Variants in HDAC4 observed in about 807,000 individuals in gnomAD.
HDAC4 encodes histone deacetylase A.
In HDAC4, 16 loss-of-function variants were observed where a neutral mutation model predicts 135.1. The observed-to-expected ratio is 0.12, with a 90% CI of 0.08 to 0.18. HDAC4 has a LOEUF of 0.18. HDAC4 is among the 10% of genes least tolerant of loss of function. The pLI is 1.00. For synonymous variants in HDAC4, 685 were observed against 653.4 expected, an observed-to-expected ratio of 1.05 and a Z score of -0.74; for missense variants, 1,143 against 1,511.8, an observed-to-expected ratio of 0.76 and a Z score of 4.05.
intron 5 of HDAC4, among the ~76,000 whole-genome samples, chr2:239,165,866 C>T (rs949658559): frequency 2.6e-5 from 4 of 152,114 alleles, no homozygotes; most frequent in Admixed American, 1.3e-4. Flanking sequence ...GCCATTGTTC[C>T]TCCTTTCAGT....
intron 2 of HDAC4, among the ~76,000 whole-genome samples, chr2:239,264,493 TGGCTGCCCAC>T (rs961110519): frequency 6.6e-6 from 1 of 152,152 alleles, no homozygotes; most frequent in Non-Finnish European, 1.5e-5. Flanking sequence ...AAAAGAAGTG[TGGCTGCCCAC>T]GGCTCTGACA....
chr2:239,388,152 T>G (rs1695951550), intron 1 of HDAC4, among the ~76,000 whole-genome samples: 3 of 152,042 alleles, frequency 2.0e-5, no homozygotes, highest in Non-Finnish European at 2.9e-5. Flanking sequence ...GCACCTGGGG[T>G]TGGGGAAAGG....
At chr2:239,304,173 C>T (rs1421513549) in intron 2 of HDAC4, among the ~76,000 whole-genome samples, 1 of 152,222 alleles carries the variant, frequency 6.6e-6, no homozygotes, top group Non-Finnish European at 1.5e-5. Flanking sequence ...ATTCACAAAG[C>T]CCAGAGCTAG....
intron 1 of HDAC4, among the ~76,000 whole-genome samples, chr2:239,379,897 G>A (rs13395183): frequency 0.036 from 5,436 of 152,304 alleles, 327 homozygotes; most frequent in African/African-American, 0.12. Flanking sequence ...CACTGACAGT[G>A]GGATAGGGAG....
intron 2 of HDAC4, among the ~76,000 whole-genome samples, chr2:239,274,198 C>A (rs1026651803): frequency 2.6e-5 from 4 of 152,158 alleles, no homozygotes; most frequent in African/African-American, 4.8e-5. Flanking sequence ...ACGGGGGTAT[C>A]ACTCTGTTCT....
At chr2:239,265,480 C>T (rs2049663851) in intron 2 of HDAC4, among the ~76,000 whole-genome samples, 1 of 152,234 alleles carries the variant, frequency 6.6e-6, no homozygotes. Context: ...CTCCCAGCAC[C>T]ACCCCTCTGT....
At chr2:239,328,574 T>A (rs922111967) in intron 2 of HDAC4, among the ~76,000 whole-genome samples, 2 of 152,016 alleles carry the variant, frequency 1.3e-5, no homozygotes, top group East Asian at 1.9e-4. Context: ...GAGGAAAACA[T>A]CCTATCCATG....
At chr2:239,310,011 GAA>G (rs2125699968) in intron 2 of HDAC4, among the ~76,000 whole-genome samples, 1 of 152,312 alleles carries the variant, frequency 6.6e-6, no homozygotes, top group East Asian at 1.9e-4. Flanking sequence ...CTTCGGTCCA[GAA>G]AAAGTCAGAT....
At chr2:239,281,156 A>G (rs1212623394) in intron 2 of HDAC4, among the ~76,000 whole-genome samples, 2 of 122,976 alleles carry the variant, frequency 1.6e-5, no homozygotes, top group African/African-American at 3.2e-5. Context: ...TGAACACACC[A>G]CTCTACACAC....
intron 11 of HDAC4, 68 bp from the exon 12 acceptor site, chr2:239,126,762 T>C: frequency 6.7e-7 from 1 of 1,497,060 alleles, no homozygotes; most frequent in Admixed American, 1.7e-5. Flanking sequence ...AGAGGGCTAT[T>C]GAGTAAGTGA....
intron 5 of HDAC4, among the ~76,000 whole-genome samples, chr2:239,172,665 G>A (rs137943973): frequency 7.2e-5 from 11 of 151,990 alleles, no homozygotes; most frequent in Admixed American, 1.3e-4. Flanking sequence ...TAATGAAATC[G>A]ATATTCAACA....
In HDAC4 at chr2:239,134,303, A is replaced by C. The variant is rs745726106; in HGVS notation, c.1236T>G (p.Pro412=). The change falls in exon 11 of 27, where the codon CCT becomes CCG. Residue 412 remains proline, a synonymous_variant. Transcript: ENST00000543185. ...CCAGTAAGACCATGTGCTGCAGAAG[A>C]GGGCTGTGCGCTGCCCCTCCGTCCC... ...LERDGGAAHS[P]LLQHMVLLEQ... is the part of the protein sequence containing the mutation. The C allele has an allele frequency of 2.5e-6, 4 of 1,613,644 alleles. No homozygotes were observed. Among genetic ancestry groups the C allele is most frequent in the Non-Finnish European group, 3.4e-6 (4 of 1,180,024 alleles).
In HDAC4 at chr2:239,126,214, G is replaced by A. The variant is rs1575120822; in HGVS notation, c.1533+242C>T. The stretch of plus-strand genomic sequence containing the variant: ...CACGGGCTGGTGGGAGAGGGCACTG[G>A]CCCTGCGCGTCCCACTCCCTGCAGG... On this transcript the variant is annotated intron_variant, in intron 12 of 26. Transcript: ENST00000543185. 2.0e-5 allele frequency among the ~76,000 whole-genome samples: 3 copies of A among 152,350 alleles called. No homozygotes were observed. The South Asian group carries it at 6.2e-4, about 32-fold the overall frequency.
chr2:239,114,930 A>C, intron 13 of HDAC4, 123 bp downstream of exon 13: 1 of 1,168,622 alleles, frequency 8.6e-7, no homozygotes, highest in African/African-American at 1.5e-5. Flanking sequence ...GACAGGTGAG[A>C]CACTGGACAG....
chr2:239,061,809 C>T (rs1371944561), intron 24 of HDAC4, among the ~76,000 whole-genome samples: 1 of 152,254 alleles, frequency 6.6e-6, no homozygotes, highest in Admixed American at 6.5e-5. Context: ...CACGACACCA[C>T]CCTCCTGCTC....
intron 2 of HDAC4, among the ~76,000 whole-genome samples, chr2:239,283,511 G>A (rs2050945811): frequency 6.6e-6 from 1 of 152,254 alleles, no homozygotes; most frequent in Non-Finnish European, 1.5e-5. Context: ...GCAGAGGCTA[G>A]AAGGGGCCTG....
chr2:239,271,007 C>T (rs182701481), intron 2 of HDAC4, among the ~76,000 whole-genome samples: 4 of 152,244 alleles, frequency 2.6e-5, no homozygotes, highest in Middle Eastern at 3.4e-3. Context: ...CTCAAAGGAC[C>T]GGGTTTATCT....
At position 239,187,797 on chromosome 2, in the gene HDAC4, C is replaced by G. The variant is rs73103311; in HGVS notation, c.339+2036G>C. 4.3e-3 allele frequency among the ~76,000 whole-genome samples: 656 copies of G among 152,298 alleles called. 1 individual carries two copies. The highest frequency in any genetic ancestry group is 0.014 in the Middle Eastern group (4 of 294). The stretch of plus-strand genomic sequence containing the variant: ...ACTCGAGTGTGCTTGTTAAAGTGGA[C>G]AGGGTGCCAGTGGAGGCTGGTGGGC... On this transcript the variant is annotated intron_variant, in intron 4 of 26. Coordinates refer to ENST00000543185, the MANE Select transcript of HDAC4 (RefSeq NM_001378414.1).
At chr2:239,077,110 G>A (rs1217427183) in intron 22 of HDAC4, among the ~76,000 whole-genome samples, 1 of 152,214 alleles carries the variant, frequency 6.6e-6, no homozygotes, top group Non-Finnish European at 1.5e-5. Context: ...GTCCAAGTCT[G>A]TCACCTAAGC....
Sources: allele counts gnomAD v4.1 joint callset (sites outside exome capture counted in the v4.1 genomes callset), GRCh38; gene constraint gnomAD v4.1.1; transcripts MANE v1.5; gene names NCBI Gene and HGNC (gene_info 2026-07-23, HGNC 2026-07-21).